SRGAP3: variants seen among roughly 807,000 people sequenced by gnomAD.
The protein encoded by SRGAP3 is SLIT-ROBO Rho GTPase-activating protein 3.
In SRGAP3, 39 loss-of-function variants were observed where a neutral mutation model predicts 121.1. That is an observed-to-expected ratio of 0.32 (90% CI 0.25 to 0.42). SRGAP3 has a LOEUF of 0.42. SRGAP3 is among the 10% of genes least tolerant of loss of function. The probability of loss-of-function intolerance (pLI) is 1.00; values close to 1 mark genes in which losing one functional copy is unlikely to be tolerated. For missense variants in SRGAP3, 1,213 were observed against 1,470.6 expected (o/e 0.82, Z 2.86); for synonymous variants, 601 against 570.0 (o/e 1.05, Z -0.77).
intron 3 of SRGAP3, among the ~76,000 whole-genome samples, chr3:9,089,703 C>T (rs1947663412): frequency 6.6e-6 from 1 of 152,174 alleles, no homozygotes; most frequent in African/African-American, 2.4e-5. Flanking sequence ...CTTCTCCCTT[C>T]CTCCTTCTAC....
At chr3:9,277,312 A>G (rs1559256207) in intron 3 of SRGAP3, among the ~76,000 whole-genome samples, 1 of 152,136 alleles carries the variant, frequency 6.6e-6, no homozygotes, top group African/African-American at 2.4e-5. Flanking sequence ...AAATATTTGT[A>G]TACCAGGCCG....
intron 1 of SRGAP3, chr3:9,236,393 G>A: frequency 6.4e-6 from 1 of 155,642 alleles, no homozygotes; most frequent in East Asian, 1.7e-4. Flanking sequence ...TGATAGTTTG[G>A]TTGTGTCCCC....
intron 1 of SRGAP3, among the ~76,000 whole-genome samples, chr3:9,341,691 G>A (rs1416667603): frequency 2.6e-5 from 4 of 152,064 alleles, no homozygotes; most frequent in African/African-American, 9.7e-5. Flanking sequence ...TAGAGATGGG[G>A]CTTCACCATG....
intron 3 of SRGAP3, among the ~76,000 whole-genome samples, chr3:9,279,509 ATTT>A (rs34338068): frequency 0.033 from 3,854 of 117,806 alleles, 61 homozygotes; most frequent in South Asian, 0.063. Context: ...GAATACCCTG[ATTT>A]TTTTTTTTTT....
intron 1 of SRGAP3, among the ~76,000 whole-genome samples, chr3:9,199,891 T>C (rs536405376): frequency 1.2e-4 from 18 of 152,312 alleles, no homozygotes; most frequent in African/African-American, 3.1e-4. Flanking sequence ...ACAGACACCA[T>C]TGAGCTCTTA....
At chr3:9,321,988 A>G (rs534976079) in intron 3 of SRGAP3, among the ~76,000 whole-genome samples, 5 of 151,322 alleles carry the variant, frequency 3.3e-5, no homozygotes, top group South Asian at 2.1e-4. Flanking sequence ...TAATAATAAT[A>G]ATAATAATAA....
chr3:9,166,331 T>C lies in SRGAP3; in HGVS notation c.68-41414A>G, dbSNP rs1452460527. Among the ~76,000 whole-genome samples the C allele has an allele frequency of 2.6e-5, 4 of 152,186 alleles. No homozygotes were observed. The East Asian group carries it at 7.7e-4, about 29-fold the overall frequency. On this transcript the variant is annotated intron_variant, in intron 1 of 21. Coordinates refer to ENST00000383836, the MANE Select transcript of SRGAP3 (RefSeq NM_014850.4). ...TGTTTATTGAATGAATGACTTCTCATCTTTAAAGCTATCTGGGCCACACTG... is the reference window on the plus strand; with the variant it reads ...TGTTTATTGAATGAATGACTTCTCACCTTTAAAGCTATCTGGGCCACACTG...
chr3:9,289,889 C>A (rs1203681805), intron 3 of SRGAP3, among the ~76,000 whole-genome samples: 1 of 152,160 alleles, frequency 6.6e-6, no homozygotes, highest in African/African-American at 2.4e-5. Context: ...AGGCAGATCA[C>A]TTGAGGTCAG....
intron 1 of SRGAP3, among the ~76,000 whole-genome samples, chr3:9,339,760 T>C (rs1169566704): frequency 2.0e-5 from 3 of 152,204 alleles, no homozygotes; most frequent in African/African-American, 4.8e-5. Context: ...GCAACCTCTA[T>C]ACAAGCTAAC....
At chr3:9,056,892 C>CT in intron 7 of SRGAP3, among the ~76,000 whole-genome samples, 2 of 151,900 alleles carry the variant, frequency 1.3e-5, no homozygotes, top group Non-Finnish European at 2.9e-5. Flanking sequence ...CCTCTGCCTT[C>CT]TTTTTTTGAG....
At chr3:9,286,420 G>A (rs1235515880) in intron 3 of SRGAP3, among the ~76,000 whole-genome samples, 1 of 151,864 alleles carries the variant, frequency 6.6e-6, no homozygotes, top group Non-Finnish European at 1.5e-5. Context: ...CTGAACTTTG[G>A]GAGGCTGAGG....
intron 3 of SRGAP3, among the ~76,000 whole-genome samples, chr3:9,096,921 T>TA (rs1341453435): frequency 3.7e-5 from 5 of 134,384 alleles, no homozygotes; most frequent in African/African-American, 1.4e-4. Flanking sequence ...TAATTATATA[T>TA]TTTTTACATT....
At chr3:9,123,241 A>C (rs1450668932) in intron 2 of SRGAP3, among the ~76,000 whole-genome samples, 2 of 152,170 alleles carry the variant, frequency 1.3e-5, no homozygotes, top group Non-Finnish European at 2.9e-5. Context: ...AGGAAGATGT[A>C]AAAAGCACTG....
chr3:9,162,815 C>G (rs1432871175), intron 1 of SRGAP3, among the ~76,000 whole-genome samples: 27 of 152,190 alleles, frequency 1.8e-4, no homozygotes, highest in Non-Finnish European at 1.2e-4. Flanking sequence ...GAGTACTTAC[C>G]TTGTAGGGTG....
At chr3:8,994,059 C>A (rs1942240118) in intron 19 of SRGAP3, 1 of 473,030 alleles carries the variant, frequency 2.1e-6, no homozygotes, top group Non-Finnish European at 3.9e-6. Flanking sequence ...TACTGAGAGC[C>A]CTGGTGGGTG....
chr3:9,320,013 C>A (rs960746474), intron 3 of SRGAP3, among the ~76,000 whole-genome samples: 1 of 151,954 alleles, frequency 6.6e-6, no homozygotes, highest in Non-Finnish European at 1.5e-5. Flanking sequence ...TTCCCCCAAC[C>A]TAGTTCATGC....
chr3:9,315,789 CA>C (rs548104118), intron 3 of SRGAP3, among the ~76,000 whole-genome samples: 5 of 151,916 alleles, frequency 3.3e-5, no homozygotes, highest in Non-Finnish European at 4.4e-5. Flanking sequence ...GATTTTTCTA[CA>C]AAATTTGCTT....
intron 3 of SRGAP3, among the ~76,000 whole-genome samples, chr3:9,283,032 C>G (rs1954707999): frequency 6.6e-6 from 1 of 151,928 alleles, no homozygotes. Flanking sequence ...TGTCTGCCTC[C>G]TGGGTTCAAG....
chr3:9,024,037 C>T (rs533410139), intron 14 of SRGAP3, among the ~76,000 whole-genome samples: 30 of 152,124 alleles, frequency 2.0e-4, no homozygotes, highest in Non-Finnish European at 4.0e-4. Flanking sequence ...AGAGGCAGCT[C>T]CTTTGGGGTG....
Sources: allele counts gnomAD v4.1 joint callset (sites outside exome capture counted in the v4.1 genomes callset), GRCh38; gene constraint gnomAD v4.1.1; transcripts MANE v1.5; gene names NCBI Gene and HGNC (gene_info 2026-07-23, HGNC 2026-07-21).